FNTB: variants seen among roughly 807,000 people sequenced by gnomAD.
FNTB encodes the protein farnesyltransferase, CAAX box, subunit beta.
In FNTB, 27 loss-of-function variants were observed where a neutral mutation model predicts 59.4. That is an observed-to-expected ratio of 0.45 (90% CI 0.34 to 0.63). FNTB has a LOEUF of 0.63. Among genes scored for constraint, FNTB ranks in the 20% least tolerant of loss-of-function variants. The probability of loss-of-function intolerance (pLI) is 0.02; values close to 1 mark genes in which losing one functional copy is unlikely to be tolerated. For synonymous variants in FNTB, 230 were observed against 220.7 expected (o/e 1.04, Z -0.37); for missense variants, 449 against 559.6 (o/e 0.80, Z 1.99).
At chr14:65,046,597 A>C (rs1477858350) in intron 9 of FNTB, among the ~76,000 whole-genome samples, 1 of 152,208 alleles carries the variant, frequency 6.6e-6, no homozygotes, top group African/African-American at 2.4e-5. Context: ...GGCTGGGAGA[A>C]GGCCTGTGTT....
chr14:65,028,831 C>G lies in FNTB; in HGVS notation c.605+1050C>G, dbSNP rs1288748030. ...TAAAAGAGTTTTTTTCCCTCGTGTT[C>G]ACTACATTTTCGTTCCTGTTCTGTT... On this transcript the variant is annotated intron_variant, in intron 6 of 11. Transcript: ENST00000246166. This position sits in a 1 kb window ranked among gnomAD's most constrained non-coding sequence, Gnocchi z 4.4. 2.0e-5 allele frequency among the ~76,000 whole-genome samples: 3 copies of G among 152,148 alleles called. No homozygotes were observed. Among genetic ancestry groups the G allele is most frequent in the African/African-American group, 7.2e-5 (3 of 41,452 alleles).
At chr14:64,998,875 TAGC>T (rs1257344749) in intron 1 of FNTB, among the ~76,000 whole-genome samples, 17 of 152,302 alleles carry the variant, frequency 1.1e-4, no homozygotes, top group African/African-American at 3.6e-4. Context: ...CTATGACTCA[TAGC>T]AGCATTATTC....
chr14:65,011,826 G>T lies in FNTB; in HGVS notation c.210-491G>T, dbSNP rs1260567126. 6.6e-6 allele frequency among the ~76,000 whole-genome samples: 1 copy of T among 152,198 alleles called. No individual in the cohort carries two copies. The highest frequency in any genetic ancestry group is 6.5e-5 in the Admixed American group (1 of 15,274). ...GAATTTCAGGGAGAGAATAATAGTT[G>T]GATAACCGAGAGGCAGGCAGGGAGT... On this transcript the variant is annotated intron_variant, in intron 2 of 11. Transcript: ENST00000246166. This position sits in a 1 kb window ranked among gnomAD's most constrained non-coding sequence, Gnocchi z 4.0.
intron 7 of FNTB, among the ~76,000 whole-genome samples, chr14:65,035,768 A>G (rs2062175459): frequency 1.3e-5 from 2 of 151,890 alleles, no homozygotes; most frequent in Admixed American, 1.3e-4. Flanking sequence ...TCCTGGGCTC[A>G]GGCTATCCAC....
intron 7 of FNTB, among the ~76,000 whole-genome samples, chr14:65,036,681 T>C (rs988770500): frequency 2.0e-5 from 3 of 151,296 alleles, no homozygotes; most frequent in Admixed American, 1.3e-4. Context: ...TGTCCTTCTT[T>C]AGCGGCTTGG....
intron 2 of FNTB, among the ~76,000 whole-genome samples, chr14:65,010,585 A>G (rs757327603): frequency 7.9e-5 from 12 of 152,092 alleles, no homozygotes; most frequent in Non-Finnish European, 1.0e-4. Context: ...CCACTGCGAT[A>G]TTTTCAGATA....
intron 2 of FNTB, chr14:65,006,077 TC>T: frequency 4.6e-6 from 7 of 1,507,940 alleles, no homozygotes; most frequent in Non-Finnish European, 6.3e-6. Context: ...ACAGACTAAA[TC>T]CTAGCAAGTC....
rs2062068861 is a variant in FNTB, at chr14:65,030,944, A to G, written c.606-1666A>G. Among the ~76,000 whole-genome samples the G allele has an allele frequency of 6.6e-6, 1 of 152,090 alleles. No individual in the cohort carries two copies. The highest frequency in any genetic ancestry group is 2.4e-5 in the African/African-American group (1 of 41,398). ...TGCCTCGGTCTCCCAAGTAGCTGGG[A>G]TTACAGGCGTGTGCCACCATGCCCA... On this transcript the variant is annotated intron_variant, in intron 6 of 11. Coordinates refer to ENST00000246166, the MANE Select transcript of FNTB (RefSeq NM_002028.4). The surrounding 1 kb of genome is among the most constrained non-coding windows in gnomAD (Gnocchi z 4.5).
chr14:65,016,375 C>T (rs1214534600), intron 4 of FNTB: 1 of 152,212 alleles, frequency 6.6e-6, no homozygotes, highest in East Asian at 1.9e-4. Flanking sequence ...GACTCCAGTC[C>T]TAGGGATACC....
At chr14:65,040,710 C>T in intron 7 of FNTB, 80 bp from the exon 8 acceptor site, 1 of 1,314,536 alleles carries the variant, frequency 7.6e-7, no homozygotes, top group Non-Finnish European at 9.9e-7. Flanking sequence ...TGAACTTTTT[C>T]TCTGCCACCT....
chr14:64,997,745 T>TA lies in FNTB; in HGVS notation c.145-6503dup, dbSNP rs1321947395. Among the ~76,000 whole-genome samples the TA allele has an allele frequency of 6.6e-6, 1 of 152,214 alleles. No homozygotes were observed. The highest frequency in any genetic ancestry group is 2.4e-5 in the African/African-American group (1 of 41,450). On this transcript the variant is annotated intron_variant, in intron 1 of 11. Coordinates refer to ENST00000246166, the MANE Select transcript of FNTB (RefSeq NM_002028.4). This position sits in a 1 kb window ranked among gnomAD's most constrained non-coding sequence, Gnocchi z 4.5. Reference sequence around the variant, plus strand: ...CACAGTAAACAAGGATAAGGTTTGTTATGCAGGTTTAGGCAGGTGCCTTCT... The same window carrying TA: ...CACAGTAAACAAGGATAAGGTTTGTTAATGCAGGTTTAGGCAGGTGCCTTCT...
At chr14:65,016,122 A>G (rs1003021507) in intron 4 of FNTB, among the ~76,000 whole-genome samples, 6 of 152,186 alleles carry the variant, frequency 3.9e-5, no homozygotes, top group African/African-American at 9.7e-5. Flanking sequence ...ACGCACCTCT[A>G]TAGAAGTACC....
In FNTB at chr14:65,044,406, G is replaced by A. The variant is rs779880861; in HGVS notation, c.918G>A (p.Gly306=). 1 of 1,613,102 alleles carries A rather than the reference G, an allele frequency of 6.2e-7. No individual in the cohort carries two copies. The highest frequency in any genetic ancestry group is 8.5e-7 in the Non-Finnish European group (1 of 1,179,636). ...GCTGCTACTCCTTCTGGCAGGCGGG[G>A]CTCCTGCCCCTGCTCCACCGCGCAC... ...VDGCYSFWQA[G]LLPLLHRALH... Residue 306 remains glycine, a synonymous_variant, in exon 9 of 12, where the codon GGG becomes GGA. Transcript: ENST00000246166. This position sits in a 1 kb window ranked among gnomAD's most constrained non-coding sequence, Gnocchi z 5.5.
chr14:65,037,413 T>C lies in FNTB; in HGVS notation c.693-3377T>C, dbSNP rs1344727332. 1.1e-3 allele frequency among the ~76,000 whole-genome samples: 99 copies of C among 88,448 alleles called. 1 individual carries two copies. The highest frequency in any genetic ancestry group is 1.6e-3 in the Non-Finnish European group (79 of 48,674). The allele number at this position is 88,448 out of a possible 152,430, so 58.0% of individuals were successfully genotyped here. ...CCACCACGCCGGGCCCTTTTTTTTT[T>C]TTTTTTTTTTTTTTTTTTTTTTTTT... is the stretch of plus-strand genomic sequence containing the variant. On this transcript the variant is annotated intron_variant, in intron 7 of 11. Transcript: ENST00000246166.
intron 1 of FNTB, among the ~76,000 whole-genome samples, chr14:64,995,673 G>C (rs1888364616): frequency 6.7e-6 from 1 of 150,102 alleles, no homozygotes; most frequent in East Asian, 1.9e-4. Flanking sequence ...TACATACTTA[G>C]TTTATATTAT....
chr14:64,987,038 G>A lies in FNTB; in HGVS notation c.85G>A (p.Glu29Lys), dbSNP rs1292393344. 2 of 1,614,048 alleles carry A rather than the reference G, an allele frequency of 1.2e-6. No individual in the cohort carries two copies. The highest frequency in any genetic ancestry group is 2.7e-5 in the African/African-American group (2 of 74,920). ...WSEPLYSLRP[E>K]HARERLQDDS... ...AGAGCCGCTGTACAGTCTGAGGCCC[G>A]AGCACGCGCGAGAGCGGTTGCAGGA... Residue 29 changes from glutamate (E) to lysine (K), a missense_variant, in exon 1 of 12, where the codon GAG becomes AAG. Physicochemically the swap from Glu to Lys is moderately conservative, Grantham distance 56. Transcript: ENST00000246166.
intron 7 of FNTB, among the ~76,000 whole-genome samples, chr14:65,035,604 G>A (rs761064746): frequency 6.6e-6 from 1 of 151,790 alleles, no homozygotes; most frequent in Non-Finnish European, 1.5e-5. Context: ...ATCACAGCTC[G>A]CTGCAGCCAC....
In FNTB at chr14:65,006,463, C is replaced by G. The variant is rs187862645; in HGVS notation, c.209+2150C>G. ...CATTTATTTAAATAGCTTGGGAGAA[C>G]GAGCTCTCTTAAATGTAATGGTATC... On this transcript the variant is annotated intron_variant, in intron 2 of 11. Transcript: ENST00000246166. Among the ~76,000 whole-genome samples the G allele has an allele frequency of 4.7e-4, 71 of 152,300 alleles. No individual in the cohort carries two copies. The East Asian group carries it at 0.013, about 29-fold the overall frequency.
chr14:65,056,852 CAA>C (rs2062747425), intron 11 of FNTB, among the ~76,000 whole-genome samples: 2 of 152,148 alleles, frequency 1.3e-5, no homozygotes, highest in Admixed American at 1.3e-4. Context: ...TGTATAAAGA[CAA>C]GAGGTTTATT....
Sources: gnomAD v4.1 joint callset for allele counts (sites outside exome capture counted in the v4.1 genomes callset) on GRCh38, gnomAD v4.1.1 for gene constraint, Gnocchi (gnomAD v3.1) non-coding constraint, MANE v1.5 for transcripts, NCBI Gene and HGNC (gene_info 2026-07-23, HGNC 2026-07-21) for gene names.